C1orf21: variants seen among roughly 807,000 people sequenced by gnomAD.
C1orf21 encodes the protein chromosome 1 open reading frame 21.
A neutral mutation model predicts 18.7 loss-of-function variants in C1orf21; 3 were observed. The observed-to-expected ratio is 0.16, with a 90% CI of 0.07 to 0.42. The LOEUF is 0.42. Among genes scored for constraint, C1orf21 ranks in the 10% least tolerant of loss-of-function variants. The probability of loss-of-function intolerance (pLI) is 0.99; values close to 1 mark genes in which losing one functional copy is unlikely to be tolerated. For missense variants in C1orf21, 104 were observed against 143.6 expected, an observed-to-expected ratio of 0.72 and a Z score of 1.41; for synonymous variants, 41 against 46.4, an observed-to-expected ratio of 0.88 and a Z score of 0.47.
chr1:184,567,048 A>G (rs1263963865), intron 3 of C1orf21: 3 of 501,176 alleles, frequency 6.0e-6, no homozygotes, highest in Non-Finnish European at 1.2e-5. Context: ...GTCTGTGTAC[A>G]GTCTAACCAT....
intron 3 of C1orf21, among the ~76,000 whole-genome samples, chr1:184,580,060 C>T (rs1659255395): frequency 6.6e-6 from 1 of 152,166 alleles, no homozygotes. Flanking sequence ...TCAAAACACT[C>T]TCCTAATAAT....
intron 1 of C1orf21, among the ~76,000 whole-genome samples, chr1:184,410,279 G>A (rs1327891208): frequency 1.3e-5 from 2 of 152,054 alleles, no homozygotes; most frequent in Admixed American, 6.6e-5. Flanking sequence ...ATTATGCTGA[G>A]ATAAAGGATG....
chr1:184,508,537 A>T (rs974038888), intron 3 of C1orf21, among the ~76,000 whole-genome samples: 4 of 152,046 alleles, frequency 2.6e-5, no homozygotes, highest in African/African-American at 7.2e-5. Flanking sequence ...TTTTTGTTTT[A>T]ATGACTTCTG....
chr1:184,562,267 T>C (rs1658978791), intron 3 of C1orf21, among the ~76,000 whole-genome samples: 1 of 152,216 alleles, frequency 6.6e-6, no homozygotes, highest in South Asian at 2.1e-4. Flanking sequence ...AAAAAAATTA[T>C]ATTTGACTTA....
intron 1 of C1orf21, among the ~76,000 whole-genome samples, chr1:184,400,276 C>T (rs190750841): frequency 6.6e-6 from 1 of 152,256 alleles, no homozygotes; most frequent in East Asian, 1.9e-4. Flanking sequence ...TTCGAGACCA[C>T]AGTACAGTTG....
chr1:184,521,141 TCC>T (rs1658300793), intron 3 of C1orf21, among the ~76,000 whole-genome samples: 2 of 152,142 alleles, frequency 1.3e-5, no homozygotes, highest in African/African-American at 4.8e-5. Flanking sequence ...CGCCTCGGCC[TCC>T]CAAAGTGCTG....
At chr1:184,481,236 C>T (rs777381167) in intron 2 of C1orf21, among the ~76,000 whole-genome samples, 24 of 152,142 alleles carry the variant, frequency 1.6e-4, no homozygotes, top group South Asian at 4.1e-4. Context: ...AGCTCTCAGT[C>T]GCATTCCACA....
At chr1:184,446,254 A>T (rs1048432619) in intron 1 of C1orf21, among the ~76,000 whole-genome samples, 1 of 151,898 alleles carries the variant, frequency 6.6e-6, no homozygotes, top group African/African-American at 2.4e-5. Context: ...TAGAGTATAC[A>T]GTCACTTTTT....
chr1:184,528,570 G>A lies in C1orf21; in HGVS notation c.189+20888G>A, dbSNP rs114538396. Among the ~76,000 whole-genome samples the A allele has an allele frequency of 2.6e-3, 389 of 152,050 alleles. 3 individuals are homozygous for A. The highest frequency in any genetic ancestry group is 8.8e-3 in the African/African-American group (365 of 41,480). On this transcript the variant is annotated intron_variant, in intron 3 of 5. Coordinates refer to ENST00000235307, the MANE Select transcript of C1orf21 (RefSeq NM_030806.4). Reference sequence around the variant, plus strand: ...AGCAATTCTCCTGTCTCAGCCTCCCGAGGTGCTGAGATTACAGGCGCCTGC... The same window carrying A: ...AGCAATTCTCCTGTCTCAGCCTCCCAAGGTGCTGAGATTACAGGCGCCTGC...
chr1:184,555,115 T>A (rs1272243951), intron 3 of C1orf21, among the ~76,000 whole-genome samples: 1 of 152,182 alleles, frequency 6.6e-6, no homozygotes, highest in Non-Finnish European at 1.5e-5. Context: ...AGGGCATAAG[T>A]TTTTGCCATT....
At chr1:184,511,253 G>T (rs1440104603) in intron 3 of C1orf21, among the ~76,000 whole-genome samples, 1 of 152,120 alleles carries the variant, frequency 6.6e-6, no homozygotes, top group Non-Finnish European at 1.5e-5. Flanking sequence ...TGTAATAAGT[G>T]CAGTAACAGA....
intron 3 of C1orf21, among the ~76,000 whole-genome samples, chr1:184,575,831 C>G (rs1219694797): frequency 2.0e-5 from 3 of 152,058 alleles, no homozygotes; most frequent in Admixed American, 6.5e-5. Context: ...GTGTAGGCGC[C>G]TGACTAAAGC....
intron 3 of C1orf21, among the ~76,000 whole-genome samples, chr1:184,528,616 T>G (rs930342320): frequency 6.6e-6 from 1 of 152,134 alleles, no homozygotes; most frequent in African/African-American, 2.4e-5. Context: ...GGCTAATTTT[T>G]GTATTTTTAG....
chr1:184,398,065 C>T (rs758366583), intron 1 of C1orf21, among the ~76,000 whole-genome samples: 10 of 152,096 alleles, frequency 6.6e-5, no homozygotes, highest in African/African-American at 2.4e-4. Context: ...CATAATGTAG[C>T]GGGAAGAATG....
At chr1:184,411,671 C>G (rs1656356966) in intron 1 of C1orf21, among the ~76,000 whole-genome samples, 2 of 152,174 alleles carry the variant, frequency 1.3e-5, no homozygotes, top group Admixed American at 6.5e-5. Flanking sequence ...ATCCGCCCGC[C>G]TTGGCCTCCC....
chr1:184,399,154 T>A (rs1435504222), intron 1 of C1orf21, among the ~76,000 whole-genome samples: 1 of 152,118 alleles, frequency 6.6e-6, no homozygotes, highest in Non-Finnish European at 1.5e-5. Flanking sequence ...TCTCTTTTCC[T>A]TCTCTGGAAG....
intron 3 of C1orf21, among the ~76,000 whole-genome samples, chr1:184,559,501 T>C (rs1340448625): frequency 1.4e-5 from 1 of 72,604 alleles, no homozygotes; most frequent in African/African-American, 6.3e-5. Flanking sequence ...CTTCCTTCCT[T>C]CCCCCCTTCC....
chr1:184,407,265 A>G (rs1031450557), intron 1 of C1orf21, among the ~76,000 whole-genome samples: 1 of 152,166 alleles, frequency 6.6e-6, no homozygotes, highest in Admixed American at 6.5e-5. Context: ...ATGAGCCACC[A>G]CACCCCATAC....
In C1orf21 at chr1:184,413,147, GT is replaced by G. The variant is rs534067807; in HGVS notation, c.-125+25781del. 7.2e-5 allele frequency among the ~76,000 whole-genome samples: 11 copies of G among 152,330 alleles called. No homozygotes were observed. The South Asian group carries it at 2.3e-3, about 32-fold the overall frequency. On this transcript the variant is annotated intron_variant, in intron 1 of 5. Transcript: ENST00000235307. ...CCTGATATCTCTTTGGTGGACACCT[GT>G]TGCTGTGGTAATCCTGCAGTGTCCA...
Sources: gnomAD v4.1 joint callset for allele counts (sites outside exome capture counted in the v4.1 genomes callset) on GRCh38, gnomAD v4.1.1 for gene constraint, MANE v1.5 for transcripts, NCBI Gene and HGNC (gene_info 2026-07-23, HGNC 2026-07-21) for gene names.